The following NAV2 variants were observed in gnomAD, a reference collection of about 807,000 sequenced individuals.
NAV2 encodes helicase, APC down-regulated 1.
In NAV2, 54 loss-of-function variants were observed where a neutral mutation model predicts 223.2. The ratio of observed to expected loss-of-function variants is 0.24; its 90% CI spans 0.19 to 0.30. NAV2 has a LOEUF of 0.30. NAV2 is among the 10% of genes least tolerant of loss of function. The pLI is 1.00. For synonymous variants in NAV2, 1,279 were observed against 1,239.3 expected, an observed-to-expected ratio of 1.03 and a Z score of -0.67; for missense variants, 2,806 against 3,147.5, an observed-to-expected ratio of 0.89 and a Z score of 2.60.
intron 34 of NAV2, chr11:20,104,836 A>C (rs1205126402): frequency 6.6e-6 from 1 of 152,190 alleles, no homozygotes; most frequent in Non-Finnish European, 1.5e-5. Context: ...GTTGGTTGGC[A>C]GGTCAAGTAT....
chr11:19,465,356 C>T (rs1217147879), intron 1 of NAV2, among the ~76,000 whole-genome samples: 2 of 152,196 alleles, frequency 1.3e-5, no homozygotes, highest in African/African-American at 4.8e-5. Flanking sequence ...CCCATATCTA[C>T]AGGTAGAGTC....
chr11:19,427,494 T>G (rs1730890682), intron 1 of NAV2, among the ~76,000 whole-genome samples: 1 of 152,234 alleles, frequency 6.6e-6, no homozygotes, highest in African/African-American at 2.4e-5. Flanking sequence ...CAGAAAAAAT[T>G]CTCACTTTCA....
At chr11:19,897,299 G>C (rs1364875391) in intron 6 of NAV2, among the ~76,000 whole-genome samples, 1 of 152,036 alleles carries the variant, frequency 6.6e-6, no homozygotes, top group African/African-American at 2.4e-5. Flanking sequence ...GAGTTACTGG[G>C]TTCAGCACAC....
At chr11:20,015,713 G>A (rs149071614) in intron 11 of NAV2, among the ~76,000 whole-genome samples, 40 of 152,258 alleles carry the variant, frequency 2.6e-4, no homozygotes, top group South Asian at 6.2e-4. Context: ...GCACACAAAA[G>A]TCAATATCCA....
chr11:20,051,829 T>C (rs546832752), intron 17 of NAV2, among the ~76,000 whole-genome samples: 23 of 152,334 alleles, frequency 1.5e-4, no homozygotes, highest in Non-Finnish European at 2.8e-4. Flanking sequence ...CTTGTCTAAA[T>C]ATTCTAATGG....
At chr11:19,917,740 G>A (rs1173396276) in intron 6 of NAV2, among the ~76,000 whole-genome samples, 1 of 152,162 alleles carries the variant, frequency 6.6e-6, no homozygotes, top group Non-Finnish European at 1.5e-5. Flanking sequence ...AGCCTCCCAT[G>A]TAGCTGGGAT....
chr11:19,487,796 G>T lies in NAV2; in HGVS notation c.75+136769G>T, dbSNP rs887396103. ...ACTTATAATCTCCCTCTGGGACCCTGTACCTCAGAAGCCATGACTGTAGCC... is the reference window on the plus strand; with the variant it reads ...ACTTATAATCTCCCTCTGGGACCCTTTACCTCAGAAGCCATGACTGTAGCC... On this transcript the variant is annotated intron_variant, in intron 1 of 37. Coordinates refer to the NAV2 transcript ENST00000360655. Among the ~76,000 whole-genome samples the T allele has an allele frequency of 3.9e-5, 6 of 152,204 alleles. No homozygotes were observed. The East Asian group carries it at 7.7e-4, about 20-fold the overall frequency.
intron 1 of NAV2, among the ~76,000 whole-genome samples, chr11:19,362,182 C>T (rs1853991343): frequency 6.6e-6 from 1 of 152,160 alleles, no homozygotes; most frequent in South Asian, 2.1e-4. Flanking sequence ...AAAGTAAAGA[C>T]TCAGAGAAGT....
rs2050055266 is a variant in NAV2 at position 19,713,956 on chromosome 11, T to C, written c.261T>C (p.Asp87=). 1.7e-5 allele frequency: 27 copies of C among 1,612,810 alleles called. No homozygotes were observed. Among genetic ancestry groups the C allele is most frequent in the Non-Finnish European group, 2.1e-5 (25 of 1,179,832 alleles). The change falls in exon 1 of 38, where the codon GAT becomes GAC. Residue 87 remains aspartate (D), a synonymous_variant. Transcript: ENST00000349880. The surrounding 1 kb of genome is among the most constrained non-coding windows in gnomAD (Gnocchi z 7.2). ...GCGGCTCGGTGGAAAACGGGTTCGA[T>C]ACCCAGGTGAGAGATGCCGTTTGCC... ...RKSGSVENGF[D]TQIYTDWANH... is the part of the protein sequence containing the mutation.
chr11:20,034,801 G>A (rs1368171420), intron 11 of NAV2, among the ~76,000 whole-genome samples: 2 of 152,190 alleles, frequency 1.3e-5, no homozygotes, highest in Non-Finnish European at 2.9e-5. Context: ...TGGTGGGGTG[G>A]TTTTCCTGAG....
Position 20,055,901 on chromosome 11 carries a change from A to C in NAV2, c.4775A>C (p.Asp1592Ala), listed in dbSNP as rs2058336354. The C allele has an allele frequency of 3.1e-6, 5 of 1,614,058 alleles. No individual in the cohort carries two copies. The highest frequency in any genetic ancestry group is 4.2e-6 in the Non-Finnish European group (5 of 1,180,030). The change falls in exon 19 of 38, where the codon GAT becomes GCT. Residue 1592 changes from aspartate (D) to alanine (A), a missense_variant. Asp to Ala is a moderately radical substitution (Grantham distance 126). Transcript: ENST00000349880. ...TTCCGGAATAGCTCCATGTCCCTGG[A>C]TGAGAAGAGCAGAACCATGAGCCGT... ...SRFRNSSMSL[D>A]EKSRTMSRSG...
chr11:19,366,777 C>A (rs1249994060), intron 1 of NAV2, among the ~76,000 whole-genome samples: 3 of 152,098 alleles, frequency 2.0e-5, no homozygotes, highest in African/African-American at 4.8e-5. Flanking sequence ...CTGAGAGACC[C>A]TGAGAAAACA....
chr11:19,475,736 A>T (rs1303583786), intron 1 of NAV2, among the ~76,000 whole-genome samples: 1 of 152,236 alleles, frequency 6.6e-6, no homozygotes, highest in Non-Finnish European at 1.5e-5. Context: ...TCCCACAGAG[A>T]AAATGAGGAC....
intron 1 of NAV2, among the ~76,000 whole-genome samples, chr11:19,770,201 C>G (rs1166337352): frequency 6.6e-6 from 1 of 152,162 alleles, no homozygotes; most frequent in Non-Finnish European, 1.5e-5. Context: ...TCAACAATAG[C>G]TATCCATATT....
At chr11:19,715,385 G>A (rs2050216564) in intron 1 of NAV2, among the ~76,000 whole-genome samples, 1 of 152,130 alleles carries the variant, frequency 6.6e-6, no homozygotes, top group Non-Finnish European at 1.5e-5. Context: ...TTTGTCCAGT[G>A]GGCTCTGCCA....
chr11:19,712,715 G>T (rs2049959583), upstream of NAV2: 1 of 151,642 alleles, frequency 6.6e-6, no homozygotes, highest in Admixed American at 6.6e-5. Context: ...GGCGGCCAGA[G>T]TTTAGGCCAC....
chr11:19,906,065 C>T (rs939854677), intron 6 of NAV2, among the ~76,000 whole-genome samples: 3 of 152,096 alleles, frequency 2.0e-5, no homozygotes, highest in African/African-American at 7.2e-5. Context: ...GGTGCACCAG[C>T]TTCAGGGGGT....
At chr11:19,694,629 G>A (rs553320282) in intron 1 of NAV2, among the ~76,000 whole-genome samples, 98 of 152,340 alleles carry the variant, frequency 6.4e-4, no homozygotes, top group Non-Finnish European at 1.2e-3. Context: ...CCATTCTGTA[G>A]AACTCCCACT....
At chr11:19,770,928 C>T (rs2055669288) in intron 1 of NAV2, among the ~76,000 whole-genome samples, 1 of 152,288 alleles carries the variant, frequency 6.6e-6, no homozygotes, top group African/African-American at 2.4e-5. Context: ...CGTGAGGTCT[C>T]ACTCAAGATG....
Sources: gnomAD v4.1 joint callset for allele counts (sites outside exome capture counted in the v4.1 genomes callset) on GRCh38, gnomAD v4.1.1 for gene constraint, Gnocchi (gnomAD v3.1) non-coding constraint, MANE v1.5 for transcripts, NCBI Gene and HGNC (gene_info 2026-07-23, HGNC 2026-07-21) for gene names.